The following ZNF365 variants were observed in gnomAD, a reference collection of about 807,000 sequenced individuals.
ZNF365 encodes the protein protein ZNF365.
ZNF365 carries 22 observed loss-of-function variants against 35.0 expected under a neutral mutation model. That is an observed-to-expected ratio of 0.63 (90% confidence interval 0.45 to 0.90). ZNF365 has a LOEUF of 0.90. ZNF365 is among the 40% of genes least tolerant of loss of function. The pLI is 0.00. For missense variants in ZNF365, 448 were observed against 500.3 expected (o/e 0.90, Z 1.00); for synonymous variants, 188 against 196.2 (o/e 0.96, Z 0.35).
intron 3 of ZNF365, among the ~76,000 whole-genome samples, chr10:62,390,491 T>C (rs1412451499): frequency 6.6e-6 from 1 of 152,246 alleles, no homozygotes; most frequent in East Asian, 1.9e-4. Flanking sequence ...TTTTTTTGGC[T>C]TGAAAGTTGA....
At chr10:62,476,897 A>C (rs1432416357) in intron 4 of ZNF365, among the ~76,000 whole-genome samples, 1 of 152,240 alleles carries the variant, frequency 6.6e-6, no homozygotes, top group Non-Finnish European at 1.5e-5. Context: ...GTTCTGTCTT[A>C]TTAGTGGGCA....
At chr10:62,382,364 A>G (rs978261007) in intron 2 of ZNF365, among the ~76,000 whole-genome samples, 26 of 152,222 alleles carry the variant, frequency 1.7e-4, no homozygotes, top group Admixed American at 1.4e-3. Flanking sequence ...GTTCGTGCAT[A>G]TAAATGGGGT....
chr10:62,417,667 T>G (rs983824911), intron 3 of ZNF365, among the ~76,000 whole-genome samples: 34 of 21,654 alleles, frequency 1.6e-3, no homozygotes, highest in Non-Finnish European at 3.0e-3. Context: ...TCTCCTGTCT[T>G]TTTTTTTTTA....
intron 1 of ZNF365, among the ~76,000 whole-genome samples, chr10:62,375,389 T>C (rs1289724816): frequency 6.6e-6 from 1 of 152,204 alleles, no homozygotes; most frequent in Non-Finnish European, 1.5e-5. Context: ...GCCCCACTTA[T>C]GCCAAATGGT....
Position 62,400,464 on chromosome 10 carries a change from C to A in ZNF365, c.*675C>A, listed in dbSNP as rs1001496467. On this transcript the variant is annotated 3_prime_UTR_variant, in exon 5 of 5. Coordinates refer to ENST00000395254, the MANE Select transcript of ZNF365 (RefSeq NM_014951.3). ...GCATGTTTATTCAGATTTTGGTACA[C>A]CTCTGCCGTCTTCTTTGGCTGAGTA... The A allele has an allele frequency of 1.0e-6, 1 of 986,018 alleles. No individual in the cohort carries two copies. Among genetic ancestry groups the A allele is most frequent in the Non-Finnish European group, 1.2e-6 (1 of 829,962 alleles). 61.1% of individuals were successfully genotyped at this position (986,018 alleles called of 1,614,324 possible).
intron 3 of ZNF365, among the ~76,000 whole-genome samples, chr10:62,423,731 G>T (rs1041272902): frequency 6.6e-6 from 1 of 152,110 alleles, no homozygotes; most frequent in African/African-American, 2.4e-5. Context: ...AGGGATTAGG[G>T]TTACAAGGAG....
chr10:62,415,812 C>G (rs1840064616), intron 3 of ZNF365, among the ~76,000 whole-genome samples: 1 of 152,146 alleles, frequency 6.6e-6, no homozygotes, highest in African/African-American at 2.4e-5. Context: ...CTGGGAAAGT[C>G]TTAAATTGCC....
intron 3 of ZNF365, among the ~76,000 whole-genome samples, chr10:62,445,255 T>G (rs1228567037): frequency 6.6e-6 from 1 of 151,376 alleles, no homozygotes; most frequent in East Asian, 1.9e-4. Context: ...TGTGTCTTTA[T>G]AGCAGCATGA....
At chr10:62,430,280 A>G (rs1186757263) in intron 3 of ZNF365, among the ~76,000 whole-genome samples, 1 of 117,706 alleles carries the variant, frequency 8.5e-6, no homozygotes, top group Non-Finnish European at 1.7e-5. Flanking sequence ...TTTTTGGTTC[A>G]CGCCATTCTC....
chr10:62,455,092 G>A (rs1353940901), intron 3 of ZNF365, among the ~76,000 whole-genome samples: 6 of 152,178 alleles, frequency 3.9e-5, no homozygotes, highest in Non-Finnish European at 7.3e-5. Flanking sequence ...GCTTTGGTGG[G>A]GCATGCCTTG....
At chr10:62,406,037 C>T (rs1839899550), downstream of ZNF365, among the ~76,000 whole-genome samples, 1 of 152,174 alleles carries the variant, frequency 6.6e-6, no homozygotes, top group African/African-American at 2.4e-5. Context: ...ACCCGAGGAG[C>T]TTAGAGTGGG....
chr10:62,430,991 G>T (rs898244400), intron 3 of ZNF365, among the ~76,000 whole-genome samples: 2 of 152,126 alleles, frequency 1.3e-5, no homozygotes, highest in Non-Finnish European at 2.9e-5. Flanking sequence ...GTCATGCATG[G>T]TATAATTATA....
At chr10:62,422,918 T>C (rs1840196536) in intron 3 of ZNF365, among the ~76,000 whole-genome samples, 1 of 152,186 alleles carries the variant, frequency 6.6e-6, no homozygotes, top group Non-Finnish European at 1.5e-5. Context: ...TTTTGCTGTC[T>C]TGCCAACTTG....
rs1839322734 is a variant in ZNF365 at position 62,376,180 on chromosome 10, G to A, written c.-13-1G>A. ...TAAACTACCTATTTCCCCCCTCCCA[G>A]GACTTTTAGAGTAATGCAACAGAAG... On this transcript the variant is annotated splice_acceptor_variant, in intron 1 of 4. Coordinates refer to ENST00000395254, the MANE Select transcript of ZNF365 (RefSeq NM_014951.3). LOFTEE classifies it low-confidence loss of function (5UTR_SPLICE). 1.2e-6 allele frequency: 2 copies of A among 1,613,018 alleles called. No individual in the cohort carries two copies. The highest frequency in any genetic ancestry group is 4.5e-5 in the East Asian group (2 of 44,868).
chr10:62,398,609 G>C lies in ZNF365; in HGVS notation c.925-131G>C, dbSNP rs753472240. Reference sequence around the variant, plus strand: ...ACTGATGCAATGGATGGTGCTGCAGGTCGTGCTACCAGTAGCAGTCACTGA... The same window carrying C: ...ACTGATGCAATGGATGGTGCTGCAGCTCGTGCTACCAGTAGCAGTCACTGA... On this transcript the variant is annotated intron_variant, in intron 3 of 4. Transcript: ENST00000395254. 5.4e-6 allele frequency: 4 copies of C among 743,918 alleles called. No individual in the cohort carries two copies. In the South Asian group the frequency reaches 6.4e-5, roughly 12 times the overall value. The allele number at this position is 743,918 out of a possible 1,614,324, so 46.1% of individuals were successfully genotyped here.
chr10:62,416,253 A>G (rs1840072560), intron 3 of ZNF365, among the ~76,000 whole-genome samples: 1 of 152,104 alleles, frequency 6.6e-6, no homozygotes, highest in Non-Finnish European at 1.5e-5. Flanking sequence ...CAGAAAAAAA[A>G]AAACGATGAA....
intron 3 of ZNF365, among the ~76,000 whole-genome samples, chr10:62,433,072 A>G (rs1394585144): frequency 6.6e-6 from 1 of 152,254 alleles, no homozygotes; most frequent in African/African-American, 2.4e-5. Flanking sequence ...ACCAAAAGGA[A>G]CTTCAAATTC....
intron 3 of ZNF365, among the ~76,000 whole-genome samples, chr10:62,415,716 G>T (rs559604379): frequency 6.6e-6 from 1 of 152,198 alleles, no homozygotes; most frequent in African/African-American, 2.4e-5. Flanking sequence ...GGTCTTGAAG[G>T]GTTGTGTGTT....
intron 4 of ZNF365, among the ~76,000 whole-genome samples, chr10:62,464,037 A>T (rs936567822): frequency 6.6e-6 from 1 of 152,182 alleles, no homozygotes; most frequent in East Asian, 1.9e-4. Flanking sequence ...TTCAACTCCA[A>T]TAGGCCTAAT....
Sources: gnomAD v4.1 joint callset for allele counts (sites outside exome capture counted in the v4.1 genomes callset) on GRCh38, gnomAD v4.1.1 for gene constraint, MANE v1.5 for transcripts, NCBI Gene and HGNC (gene_info 2026-07-23, HGNC 2026-07-21) for gene names.